Variants in FMO4 observed in about 807,000 individuals in gnomAD.
FMO4 encodes the protein dimethylaniline monooxygenase [N-oxide-forming] 4.
In FMO4, 38 loss-of-function variants were observed where a neutral mutation model predicts 43.3. That is an observed-to-expected ratio of 0.88 (90% CI 0.68 to 1.15). FMO4 has a LOEUF of 1.15. Ranked by LOEUF, FMO4 falls within the 50% of genes most tolerant of loss-of-function variation. FMO4 has a pLI of 0.00. For synonymous variants in FMO4, 224 were observed against 232.2 expected, an observed-to-expected ratio of 0.96 and a Z score of 0.32; for missense variants, 631 against 663.3, an observed-to-expected ratio of 0.95 and a Z score of 0.54.
chr1:171,336,012 C>G (rs2101904051), intron 8 of FMO4, among the ~76,000 whole-genome samples: 1 of 152,266 alleles, frequency 6.6e-6, no homozygotes, highest in African/African-American at 2.4e-5. Flanking sequence ...GGAGTAATGG[C>G]ATGCTTCTCC....
chr1:171,324,004 T>C (rs765178992), intron 4 of FMO4, 134 bp from the exon 5 acceptor site: 1 of 728,074 alleles, frequency 1.4e-6, no homozygotes, highest in South Asian at 3.3e-5. Flanking sequence ...TCTAGGAAGA[T>C]GATAAATCAA....
chr1:171,341,516 C>G lies in FMO4; in HGVS notation c.1354C>G (p.Leu452Val), dbSNP rs758903695. ...AAAGCCCAGCATCCCACTTCTGTTC[C>G]TCAAGGATCCCAGACTAGCTTGGGA... ...GTKPSIPLLF[L>V]KDPRLAWEVF... Residue 452 changes from leucine to valine, a missense_variant, in exon 10 of 10, where the codon CTC becomes GTC. By Grantham distance (32) the Leu-to-Val change is conservative. Transcript: ENST00000367749. 6.2e-7 allele frequency: 1 copy of G among 1,614,050 alleles called. No homozygotes were observed. The highest frequency in any genetic ancestry group is 1.1e-5 in the South Asian group (1 of 91,080).
intron 6 of FMO4, 91 bp downstream of exon 6, chr1:171,331,873 T>C: frequency 1.8e-6 from 2 of 1,092,254 alleles, no homozygotes; most frequent in South Asian, 1.5e-5. Flanking sequence ...CATTGGCCAA[T>C]TGCTAAATTA....
intron 5 of FMO4, among the ~76,000 whole-genome samples, chr1:171,325,736 A>G (rs556740841): frequency 7.2e-6 from 1 of 138,910 alleles, no homozygotes; most frequent in African/African-American, 2.6e-5. Context: ...ATTGACATGG[A>G]TGCTTTCGGA....
intron 1 of FMO4, among the ~76,000 whole-genome samples, chr1:171,315,600 G>A (rs1186139062): frequency 6.6e-6 from 1 of 152,166 alleles, no homozygotes; most frequent in Non-Finnish European, 1.5e-5. Flanking sequence ...CTTAGAGGCA[G>A]AAGCAGAACT....
chr1:171,328,298 C>T (rs1235427009), intron 5 of FMO4, among the ~76,000 whole-genome samples: 1 of 152,142 alleles, frequency 6.6e-6, no homozygotes, highest in Non-Finnish European at 1.5e-5. Context: ...CCACCTTGGC[C>T]TCCTAAAGTG....
intron 2 of FMO4, 24 bp from the exon 3 acceptor site, chr1:171,319,794 T>C (rs1236654020): frequency 6.2e-7 from 1 of 1,609,838 alleles, no homozygotes; most frequent in South Asian, 1.1e-5. Context: ...AATAAAGAAG[T>C]TCTGCTTGAC....
intron 6 of FMO4, 152 bp downstream of exon 6, chr1:171,331,934 G>A: frequency 1.4e-6 from 1 of 723,354 alleles, no homozygotes; most frequent in East Asian, 2.6e-5. Context: ...AATCTTTAAA[G>A]CCACTCACGG....
intron 6 of FMO4, among the ~76,000 whole-genome samples, chr1:171,332,105 T>A (rs1662925403): frequency 6.6e-6 from 1 of 152,172 alleles, no homozygotes; most frequent in Non-Finnish European, 1.5e-5. Flanking sequence ...AGTTCAATTA[T>A]CTTTTTTTTA....
At chr1:171,314,568 G>A (rs988282572) in intron 1 of FMO4, among the ~76,000 whole-genome samples, 155 bp downstream of exon 1, 1 of 152,108 alleles carries the variant, frequency 6.6e-6, no homozygotes, top group African/African-American at 2.4e-5. Flanking sequence ...GAATTAAGGA[G>A]AGAGTCAGGA....
chr1:171,320,855 CTA>C (rs1221146392), intron 3 of FMO4, among the ~76,000 whole-genome samples: 7 of 151,934 alleles, frequency 4.6e-5, no homozygotes, highest in African/African-American at 1.7e-4. Flanking sequence ...AAGATGGAAG[CTA>C]GGCAGGCCCA....
chr1:171,320,698 G>A (rs1242480074), intron 3 of FMO4, among the ~76,000 whole-genome samples: 1 of 152,106 alleles, frequency 6.6e-6, no homozygotes, highest in Non-Finnish European at 1.5e-5. Flanking sequence ...GTATAAGGAG[G>A]TATCAGAAGG....
chr1:171,317,841 G>A (rs1244109153), intron 2 of FMO4, among the ~76,000 whole-genome samples: 1 of 152,034 alleles, frequency 6.6e-6, no homozygotes, highest in East Asian at 1.9e-4. Context: ...CTATTCTTTA[G>A]GACTCTAAAT....
intron 5 of FMO4, among the ~76,000 whole-genome samples, chr1:171,331,024 T>A (rs886300353): frequency 6.6e-6 from 1 of 152,188 alleles, no homozygotes; most frequent in African/African-American, 2.4e-5. Context: ...AATAATTACT[T>A]CATTTACGAA....
chr1:171,321,904 C>T (rs535778401), intron 3 of FMO4, among the ~76,000 whole-genome samples: 57 of 152,218 alleles, frequency 3.7e-4, no homozygotes, highest in East Asian at 2.1e-3. Context: ...CCTTATGCAG[C>T]GCTGTTGGGT....
Position 171,341,694 on chromosome 1 carries a change from T to A in FMO4, c.1532T>A (p.Met511Lys). The A allele has an allele frequency of 6.2e-7, 1 of 1,613,948 alleles. No homozygotes were observed. Among genetic ancestry groups the A allele is most frequent in the South Asian group, 1.1e-5 (1 of 91,080 alleles). The change falls in exon 10 of 10, where the codon ATG becomes AAG. Residue 511 changes from methionine to lysine, a missense_variant. Physicochemically the swap from Met to Lys is moderately conservative, Grantham distance 95 (BLOSUM62 -1). Coordinates refer to ENST00000367749, the MANE Select transcript of FMO4 (RefSeq NM_002022.3). ...IVPDSSKPAS[M>K]SHYLKAWGAP... is the part of the protein sequence containing the mutation. ...CCTGATTCCTCCAAGCCTGCCTCCA[T>A]GTCACATTATTTAAAAGCCTGGGGG... is the stretch of plus-strand genomic sequence containing the variant.
chr1:171,330,014 T>G (rs1662833217), intron 5 of FMO4, among the ~76,000 whole-genome samples: 1 of 152,228 alleles, frequency 6.6e-6, no homozygotes, highest in African/African-American at 2.4e-5. Context: ...CTGAAGCAAC[T>G]GCTTTAAAAA....
chr1:171,333,943 C>G (rs1663004789), intron 7 of FMO4, among the ~76,000 whole-genome samples: 1 of 152,124 alleles, frequency 6.6e-6, no homozygotes, highest in Non-Finnish European at 1.5e-5. Context: ...CCTGCCTCAG[C>G]CTCCCAGATA....
intron 3 of FMO4, among the ~76,000 whole-genome samples, chr1:171,322,377 A>T (rs933617952): frequency 4.6e-5 from 7 of 152,234 alleles, no homozygotes; most frequent in Non-Finnish European, 8.8e-5. Flanking sequence ...AACAAGACAG[A>T]TAATAAGCCC....
Sources: allele counts gnomAD v4.1 joint callset (sites outside exome capture counted in the v4.1 genomes callset), GRCh38; gene constraint gnomAD v4.1.1; transcripts MANE v1.5; gene names NCBI Gene and HGNC (gene_info 2026-07-23, HGNC 2026-07-21).